Variants in DPH3 observed in about 807,000 individuals in gnomAD.
DPH3 encodes diphthamide biosynthesis 3, also known as diphthamide biosynthesis protein 3.
Under a neutral mutation model 10.2 loss-of-function variants are expected in DPH3, and 8 were observed. The ratio of observed to expected loss-of-function variants is 0.79; its 90% CI spans 0.46 to 1.42. The LOEUF is 1.42. Ranked by LOEUF, DPH3 falls within the 40% of genes most tolerant of loss-of-function variation. The probability of loss-of-function intolerance (pLI) is 0.00; values close to 1 mark genes in which losing one functional copy is unlikely to be tolerated. For missense variants in DPH3, 96 were observed against 98.9 expected (o/e 0.97, Z 0.12); for synonymous variants, 35 against 35.6 (o/e 0.98, Z 0.06).
At chr3:16,264,511 C>T (rs2245708) in intron 1 of DPH3, 356,748 of 559,794 alleles carry the variant, frequency 0.64, 115,727 homozygotes, top group African/African-American at 0.83. Flanking sequence ...AGGTTGGGAC[C>T]CTAAGGCAGG....
rs1162732220 is a variant in DPH3, at chr3:16,263,846, T to C, written c.183+309A>G. 1.3e-5 allele frequency among the ~76,000 whole-genome samples: 2 copies of C among 152,248 alleles called. No individual in the cohort carries two copies. Among genetic ancestry groups the C allele is most frequent in the Non-Finnish European group, 2.9e-5 (2 of 68,050 alleles). ...GCAGCTCTAAACAATTTTAATTACATATTAAATAGAAGAGAAATATAAAAA... is the reference window on the plus strand; with the variant it reads ...GCAGCTCTAAACAATTTTAATTACACATTAAATAGAAGAGAAATATAAAAA... On this transcript the variant is annotated intron_variant, in intron 2 of 2. Transcript: ENST00000488423. The surrounding 1 kb of genome is among the most constrained non-coding windows in gnomAD (Gnocchi z 4.0).
chr3:16,261,982 A>AC lies in DPH3; in HGVS notation c.184-1154dup, dbSNP rs372902535. On this transcript the variant is annotated intron_variant, in intron 2 of 2. Coordinates refer to ENST00000488423, the MANE Select transcript of DPH3 (RefSeq NM_206831.3). This position sits in a 1 kb window ranked among gnomAD's most constrained non-coding sequence, Gnocchi z 7.1. ...TCCTACCACCCTTTCACTGCCCCTC[A>AC]CTCCCTTCATGTTCTCTTTACCTAG... Among the ~76,000 whole-genome samples the AC allele has an allele frequency of 0.14, 21,464 of 151,460 alleles. 1,637 individuals are homozygous for AC. Among genetic ancestry groups the AC allele is most frequent in the African/African-American group, 0.18 (7,442 of 41,230 alleles).
In DPH3 at chr3:16,259,070, T is replaced by C. The variant is rs150084064; in HGVS notation, c.*1694A>G. The stretch of plus-strand genomic sequence containing the variant: ...ATCAGCATCAGAAAGAGCTAACATG[T>C]TGGCAGTATCTAGAAAACCATCAAC... On this transcript the variant is annotated 3_prime_UTR_variant, in exon 3 of 3. Coordinates refer to ENST00000488423, the MANE Select transcript of DPH3 (RefSeq NM_206831.3). 1 of 152,348 alleles carries C rather than the reference T, an allele frequency of 6.6e-6. No individual in the cohort carries two copies. The highest frequency in any genetic ancestry group is 1.5e-5 in the Non-Finnish European group (1 of 68,034). The allele number at this position is 152,348 out of a possible 1,614,324, so 9.4% of individuals were successfully genotyped here.
chr3:16,264,713 G>C (rs1228746707), intron 1 of DPH3, 56 bp downstream of exon 1: 5 of 1,549,102 alleles, frequency 3.2e-6, no homozygotes, highest in Non-Finnish European at 4.4e-6. Context: ...GGAAGGAACG[G>C]GCGGAACCAA....
rs1177544039 is a variant in DPH3, at chr3:16,258,357, C to A, written c.*2407G>T. On this transcript the variant is annotated 3_prime_UTR_variant, in exon 3 of 3. Transcript: ENST00000488423. ...AATCCAATGGCCTTGCCAAAGATTA[C>A]GAAGCTAAAAAGAGACATAGCCTGG... 1 of 126,362 alleles carries A rather than the reference C, an allele frequency of 7.9e-6. No homozygotes were observed. The highest frequency in any genetic ancestry group is 1.8e-5 in the Non-Finnish European group (1 of 56,538). 7.8% of individuals were successfully genotyped at this position (126,362 alleles called of 1,614,324 possible).
intron 1 of DPH3, 89 bp downstream of exon 1, chr3:16,264,680 C>T: frequency 1.6e-6 from 2 of 1,281,504 alleles, no homozygotes; most frequent in Non-Finnish European, 2.2e-6. Context: ...GGTGACACAG[C>T]GCAGCAAAGG....
rs931575637 is a variant in DPH3, at chr3:16,258,066, A to T, written c.*2698T>A. 2.6e-5 allele frequency: 4 copies of T among 152,240 alleles called. No homozygotes were observed. Among genetic ancestry groups the T allele is most frequent in the Non-Finnish European group, 4.4e-5 (3 of 68,036 alleles). 9.4% of individuals were successfully genotyped at this position (152,240 alleles called of 1,614,324 possible). On this transcript the variant is annotated 3_prime_UTR_variant, in exon 3 of 3. Coordinates refer to ENST00000488423, the MANE Select transcript of DPH3 (RefSeq NM_206831.3). ...TGTGCAGTTATAAAAAATGTTGGGT[A>T]CTTTTTCCAAGAAAAATGTTTCTGA...
chr3:16,264,729 G>A, intron 1 of DPH3, 40 bp downstream of exon 1: 1 of 1,598,180 alleles, frequency 6.3e-7, no homozygotes. Flanking sequence ...ACCAAACTGC[G>A]CTTGCTTGGG....
At chr3:16,264,551 C>T (rs1387341825) in intron 1 of DPH3, 2 of 592,548 alleles carry the variant, frequency 3.4e-6, no homozygotes, top group East Asian at 5.7e-5. Flanking sequence ...GGCTCTCCGC[C>T]ACCCTCTCCC....
rs540293155 is a variant in DPH3, at chr3:16,259,274, T to C, written c.*1490A>G. ...ATCACATCCAGAATATGCCACATAATGTACTGAGCATTTTCAGCTCGGTAC... is the reference window on the plus strand; with the variant it reads ...ATCACATCCAGAATATGCCACATAACGTACTGAGCATTTTCAGCTCGGTAC... On this transcript the variant is annotated 3_prime_UTR_variant, in exon 3 of 3. Transcript: ENST00000488423. 11 of 152,272 alleles carry C rather than the reference T, an allele frequency of 7.2e-5. No homozygotes were observed. The highest frequency in any genetic ancestry group is 5.8e-4 in the East Asian group (3 of 5,202). The allele number at this position is 152,272 out of a possible 1,614,324, so 9.4% of individuals were successfully genotyped here.
rs1319359511 is a variant in DPH3 at position 16,263,716 on chromosome 3, T to C, written c.183+439A>G. On this transcript the variant is annotated intron_variant, in intron 2 of 2. Transcript: ENST00000488423. The surrounding 1 kb of genome is among the most constrained non-coding windows in gnomAD (Gnocchi z 4.0). ...AGGGCAACTAAAGACTAAAATGAAA[T>C]TGTAAAGCTGCACCTAGGAATTATA... 6.6e-6 allele frequency among the ~76,000 whole-genome samples: 1 copy of C among 152,196 alleles called. No individual in the cohort carries two copies. The highest frequency in any genetic ancestry group is 2.4e-5 in the African/African-American group (1 of 41,446).
intron 2 of DPH3, 106 bp from the exon 3 acceptor site, chr3:16,260,935 T>A (rs567975488): frequency 3.9e-5 from 38 of 979,518 alleles, no homozygotes; most frequent in Non-Finnish European, 5.8e-5. Context: ...TGTTAATTGT[T>A]TTTCATTTGC....
In DPH3 at chr3:16,258,012, A is replaced by C. The variant is rs1163286655; in HGVS notation, c.*2752T>G. 3 of 152,236 alleles carry C rather than the reference A, an allele frequency of 2.0e-5. No homozygotes were observed. Among genetic ancestry groups the C allele is most frequent in the African/African-American group, 7.2e-5 (3 of 41,462 alleles). 9.4% of individuals were successfully genotyped at this position (152,236 alleles called of 1,614,324 possible). On this transcript the variant is annotated 3_prime_UTR_variant, in exon 3 of 3. Transcript: ENST00000488423. ...ATTATCTGACTTTATTTAGCATGCAATGCAATTTATTCTGGCAATAAATTA... is the reference window on the plus strand; with the variant it reads ...ATTATCTGACTTTATTTAGCATGCACTGCAATTTATTCTGGCAATAAATTA...
rs891682948 is a variant in DPH3 at position 16,258,340 on chromosome 3, G to A, written c.*2424C>T. ...TAATTGTACAGCTGAAGAATCCAATGGCCTTGCCAAAGATTACGAAGCTAA... is the reference window on the plus strand; with the variant it reads ...TAATTGTACAGCTGAAGAATCCAATAGCCTTGCCAAAGATTACGAAGCTAA... On this transcript the variant is annotated 3_prime_UTR_variant, in exon 3 of 3. Coordinates refer to ENST00000488423, the MANE Select transcript of DPH3 (RefSeq NM_206831.3). The A allele has an allele frequency of 6.7e-6, 1 of 150,234 alleles. No individual in the cohort carries two copies. The highest frequency in any genetic ancestry group is 2.4e-5 in the African/African-American group (1 of 40,886). The allele number at this position is 150,234 out of a possible 1,614,324, so 9.3% of individuals were successfully genotyped here. A position where few individuals can be genotyped will look rare whatever the true frequency, so the allele number is the denominator to read the frequency against.
In DPH3 at chr3:16,260,732, A is replaced by G; in HGVS notation, c.*32T>C. On this transcript the variant is annotated 3_prime_UTR_variant, in exon 3 of 3. Transcript: ENST00000488423. The stretch of plus-strand genomic sequence containing the variant: ...GATATTTCTATCTGGGCTCATTCCA[A>G]ATGTTCAGGATTTGGATTCCTGAAG... The G allele has an allele frequency of 6.3e-7, 1 of 1,596,212 alleles. No individual in the cohort carries two copies. Among genetic ancestry groups the G allele is most frequent in the Non-Finnish European group, 8.6e-7 (1 of 1,165,012 alleles).
At chr3:16,264,397 G>A in intron 1 of DPH3, 168 bp from the exon 2 acceptor site, 1 of 549,878 alleles carries the variant, frequency 1.8e-6, no homozygotes, top group Non-Finnish European at 3.2e-6. Flanking sequence ...TTTTCCCCTA[G>A]AAGCGTCACT....
rs926363199 is a variant in DPH3 at position 16,263,361 on chromosome 3, C to A, written c.183+794G>T. On this transcript the variant is annotated intron_variant, in intron 2 of 2. Coordinates refer to ENST00000488423, the MANE Select transcript of DPH3 (RefSeq NM_206831.3). This position sits in a 1 kb window ranked among gnomAD's most constrained non-coding sequence, Gnocchi z 4.0. ...CCTATTAAGGCCTTTCTCAGTAAGG[C>A]CTGCCATGATCACCCTATGGAAAAC... 6.6e-6 allele frequency among the ~76,000 whole-genome samples: 1 copy of A among 152,220 alleles called. No individual in the cohort carries two copies. Among genetic ancestry groups the A allele is most frequent in the Non-Finnish European group, 1.5e-5 (1 of 68,046 alleles).
rs543661867 is a variant in DPH3, at chr3:16,264,577, C to T, written c.108+192G>A. ...ACCCTCTCCCTGACCTAATCTAAGGCCAGAACTGCGTGCCTACCGAGAGAG... is the reference window on the plus strand; with the variant it reads ...ACCCTCTCCCTGACCTAATCTAAGGTCAGAACTGCGTGCCTACCGAGAGAG... On this transcript the variant is annotated intron_variant, in intron 1 of 2. Transcript: ENST00000488423. 19 of 629,400 alleles carry T rather than the reference C, an allele frequency of 3.0e-5. No individual in the cohort carries two copies. In the East Asian group the frequency reaches 5.0e-4, roughly 16 times the overall value. The allele number at this position is 629,400 out of a possible 1,614,324, so 39.0% of individuals were successfully genotyped here.
At chr3:16,264,084 T>G in intron 2 of DPH3, 71 bp downstream of exon 2, 1 of 1,130,940 alleles carries the variant, frequency 8.8e-7, no homozygotes. Context: ...CACTCATCAC[T>G]GACAAGCTGA....
Sources: gnomAD v4.1 joint callset for allele counts (sites outside exome capture counted in the v4.1 genomes callset) on GRCh38, gnomAD v4.1.1 for gene constraint, Gnocchi (gnomAD v3.1) non-coding constraint, MANE v1.5 for transcripts, NCBI Gene and HGNC (gene_info 2026-07-23, HGNC 2026-07-21) for gene names.